Variants in INPP4B observed in about 807,000 individuals in gnomAD.
INPP4B encodes inositol polyphosphate-4-phosphatase type II B.
A neutral mutation model predicts 122.5 loss-of-function variants in INPP4B; 55 were observed. That is an observed-to-expected ratio of 0.45 (90% confidence interval 0.36 to 0.56). INPP4B has a LOEUF of 0.56. Ranked by LOEUF, INPP4B falls within the 20% of genes least tolerant of loss-of-function variation. INPP4B has a pLI of 0.00. For missense variants in INPP4B, 1,000 were observed against 1,097.7 expected (o/e 0.91, Z 1.26); for synonymous variants, 403 against 388.7 (o/e 1.04, Z -0.43).
At chr4:142,210,005 A>C (rs1389839412) in intron 12 of INPP4B, among the ~76,000 whole-genome samples, 3 of 152,138 alleles carry the variant, frequency 2.0e-5, no homozygotes, top group African/African-American at 7.2e-5. Flanking sequence ...TAGCCAAGTT[A>C]ATTTAAATCA....
rs201217156 is a variant in INPP4B at position 142,700,683 on chromosome 4, A to T, written c.-191+25156T>A. 1.5e-4 allele frequency among the ~76,000 whole-genome samples: 23 copies of T among 151,396 alleles called. 1 individual carries two copies. The South Asian group carries it at 2.7e-3, about 18-fold the overall frequency. Reference sequence around the variant, plus strand: ...CTTATTTGCATGAAATTTTTTTTTTATTTTTTGCAGCAGGTGCATTTTCCT... The same window carrying T: ...CTTATTTGCATGAAATTTTTTTTTTTTTTTTTGCAGCAGGTGCATTTTCCT... On this transcript the variant is annotated intron_variant, in intron 2 of 25. Coordinates refer to ENST00000262992, the MANE Select transcript of INPP4B (RefSeq NM_001101669.3).
At chr4:142,486,953 C>G (rs554783621) in intron 2 of INPP4B, among the ~76,000 whole-genome samples, 1 of 152,100 alleles carries the variant, frequency 6.6e-6, no homozygotes, top group East Asian at 1.9e-4. Flanking sequence ...TCTATACTTA[C>G]GTGGTATGGT....
At chr4:142,492,225 A>G (rs1436888466) in intron 2 of INPP4B, among the ~76,000 whole-genome samples, 1 of 152,168 alleles carries the variant, frequency 6.6e-6, no homozygotes, top group Non-Finnish European at 1.5e-5. Flanking sequence ...TGAGTCAACT[A>G]AACCTCTTTC....
chr4:142,399,784 T>C (rs1420669541), intron 7 of INPP4B, among the ~76,000 whole-genome samples: 3 of 152,112 alleles, frequency 2.0e-5, no homozygotes, highest in Non-Finnish European at 4.4e-5. Context: ...AATTTCCTTA[T>C]AGTGAGGAAA....
chr4:142,253,644 G>A (rs192809162), intron 11 of INPP4B, among the ~76,000 whole-genome samples: 47 of 152,308 alleles, frequency 3.1e-4, no homozygotes, highest in Middle Eastern at 6.8e-3. Flanking sequence ...GTGCTTTTCC[G>A]ACGGGCTTAA....
intron 1 of INPP4B, among the ~76,000 whole-genome samples, chr4:142,728,672 A>C (rs1212914066): frequency 6.6e-6 from 1 of 152,114 alleles, no homozygotes; most frequent in African/African-American, 2.4e-5. Context: ...TGGAGTGATA[A>C]ATCTACAAGC....
chr4:142,592,626 A>G (rs1737749653), intron 2 of INPP4B, among the ~76,000 whole-genome samples: 1 of 152,222 alleles, frequency 6.6e-6, no homozygotes, highest in South Asian at 2.1e-4. Flanking sequence ...CCCATAGACT[A>G]GAAATATTTT....
intron 7 of INPP4B, chr4:142,317,493 A>C: frequency 3.6e-6 from 1 of 275,722 alleles, no homozygotes; most frequent in Non-Finnish European, 7.6e-6. Flanking sequence ...TCCAACGCGC[A>C]TTATCCAGGG....
chr4:142,540,407 T>C (rs578043677), intron 2 of INPP4B, among the ~76,000 whole-genome samples: 1 of 152,034 alleles, frequency 6.6e-6, no homozygotes, highest in South Asian at 2.1e-4. Context: ...ATGGTAACTC[T>C]CAGGAGCTAT....
chr4:142,171,259 T>C (rs931812950), intron 16 of INPP4B, among the ~76,000 whole-genome samples: 1 of 151,778 alleles, frequency 6.6e-6, no homozygotes. Flanking sequence ...TCAAAGGCTA[T>C]AAAACCTTCA....
At chr4:142,297,920 A>G (rs1243764221) in intron 9 of INPP4B, among the ~76,000 whole-genome samples, 1 of 152,210 alleles carries the variant, frequency 6.6e-6, no homozygotes, top group Non-Finnish European at 1.5e-5. Context: ...CAATGCTTGG[A>G]ACTTCACTAC....
chr4:142,736,857 G>C (rs1465316130), intron 1 of INPP4B, among the ~76,000 whole-genome samples: 4 of 152,276 alleles, frequency 2.6e-5, no homozygotes, highest in South Asian at 2.1e-4. Flanking sequence ...TGGTGAGAGA[G>C]GGCACCCCTG....
chr4:142,210,328 A>C (rs1332867218), intron 12 of INPP4B, among the ~76,000 whole-genome samples: 1 of 152,138 alleles, frequency 6.6e-6, no homozygotes, highest in African/African-American at 2.4e-5. Flanking sequence ...AACTGCTGCA[A>C]TTTTCATCTG....
At chr4:142,822,473 G>T (rs1349570772) in intron 1 of INPP4B, among the ~76,000 whole-genome samples, 1 of 152,138 alleles carries the variant, frequency 6.6e-6, no homozygotes, top group Non-Finnish European at 1.5e-5. Context: ...TCTGCCTCCT[G>T]TCAGATCAGT....
At chr4:142,424,741 T>C (rs894158686) in intron 5 of INPP4B, among the ~76,000 whole-genome samples, 8 of 152,212 alleles carry the variant, frequency 5.3e-5, no homozygotes, top group Non-Finnish European at 1.0e-4. Flanking sequence ...CAGTGGCTTT[T>C]ACTTTCTTTC....
chr4:142,147,721 C>T (rs1468279219), intron 17 of INPP4B, among the ~76,000 whole-genome samples: 1 of 152,194 alleles, frequency 6.6e-6, no homozygotes, highest in South Asian at 2.1e-4. Flanking sequence ...AGGAAGTACT[C>T]TATTAACCAC....
chr4:142,456,693 T>C (rs1294651788), intron 3 of INPP4B, among the ~76,000 whole-genome samples: 1 of 152,034 alleles, frequency 6.6e-6, no homozygotes. Flanking sequence ...AGAAATAAAA[T>C]AAGATCTATT....
chr4:142,464,905 G>C (rs1817475599), intron 2 of INPP4B, among the ~76,000 whole-genome samples: 1 of 152,158 alleles, frequency 6.6e-6, no homozygotes, highest in African/African-American at 2.4e-5. Context: ...CTGTTGTACA[G>C]AGTAGATGGC....
intron 2 of INPP4B, among the ~76,000 whole-genome samples, chr4:142,631,368 G>T (rs999926053): frequency 1.1e-4 from 16 of 152,050 alleles, no homozygotes; most frequent in Admixed American, 1.1e-3. Flanking sequence ...CCCTGAAAAT[G>T]ATTTGCAAGA....
Sources: allele counts gnomAD v4.1 joint callset (sites outside exome capture counted in the v4.1 genomes callset), GRCh38; gene constraint gnomAD v4.1.1; transcripts MANE v1.5; gene names NCBI Gene and HGNC (gene_info 2026-07-23, HGNC 2026-07-21).